The following ETV1 variants were observed in gnomAD, a reference collection of about 807,000 sequenced individuals.
ETV1 encodes the protein ETS variant transcription factor 1.
In ETV1, 27 loss-of-function variants were observed where a neutral mutation model predicts 62.3. The observed-to-expected ratio is 0.43, with a 90% confidence interval of 0.32 to 0.60. ETV1 has a LOEUF of 0.60. Ranked by LOEUF, ETV1 falls within the 20% of genes least tolerant of loss-of-function variation. The pLI is 0.06. For missense variants in ETV1, 605 were observed against 605.8 expected (o/e 1.00, Z 0.01); for synonymous variants, 222 against 199.6 (o/e 1.11, Z -0.94).
chr7:13,899,314 G>T (rs1341756794), intron 13 of ETV1, among the ~76,000 whole-genome samples: 1 of 152,186 alleles, frequency 6.6e-6, no homozygotes, highest in East Asian at 1.9e-4. Context: ...GGAGGAGCAG[G>T]TAGTAAACTG....
chr7:13,984,860 G>C (rs1282204613), intron 5 of ETV1, among the ~76,000 whole-genome samples: 2 of 150,472 alleles, frequency 1.3e-5, no homozygotes, highest in East Asian at 3.9e-4. Context: ...AGTTTTAAAA[G>C]ATAAATTTGG....
In ETV1 at chr7:13,939,107, G is replaced by A; in HGVS notation, c.365+10C>T. ...CCACTATCCTACATACATACACCTG[G>A]TGGCTTTACCTGACATTGTACAGGC... On this transcript the variant is annotated intron_variant, in intron 7 of 13. Coordinates refer to ENST00000430479, the MANE Select transcript of ETV1 (RefSeq NM_004956.5). The A allele has an allele frequency of 6.2e-7, 1 of 1,611,078 alleles. No homozygotes were observed. The highest frequency in any genetic ancestry group is 8.5e-7 in the Non-Finnish European group (1 of 1,178,962).
At position 13,895,977 on chromosome 7, in the gene ETV1, G is replaced by A. The variant is rs764477158; in HGVS notation, c.1323C>T (p.His441=). 6.2e-7 allele frequency: 1 copy of A among 1,613,718 alleles called. No homozygotes were observed. The highest frequency in any genetic ancestry group is 1.7e-5 in the Admixed American group (1 of 59,964). ...GAGGCACTGTGTCCTCCTCGTTGAT[G>A]TGACGTTCCATGTCTGTCTTCAGCA... The part of the protein sequence containing the change: ...RPLLKTDMER[H]INEEDTVPLS... The change falls in exon 14 of 14, where the codon CAC becomes CAT. Residue 441 remains histidine, a synonymous_variant. Coordinates refer to ENST00000430479, the MANE Select transcript of ETV1 (RefSeq NM_004956.5).
intron 12 of ETV1, chr7:13,906,155 T>G (rs17167631): frequency 0.047 from 12,731 of 272,164 alleles, 400 homozygotes; most frequent in African/African-American, 0.11. Flanking sequence ...TTAGAAACCC[T>G]GAAGCCAGAC....
intron 3 of ETV1, chr7:13,988,762 C>T (rs756513796): frequency 1.9e-5 from 30 of 1,611,934 alleles, no homozygotes; most frequent in Non-Finnish European, 2.5e-5. Flanking sequence ...TCCTCTTCCA[C>T]TCATGTTGGG....
intron 6 of ETV1, among the ~76,000 whole-genome samples, chr7:13,977,142 A>G (rs918561892): frequency 1.6e-4 from 24 of 152,200 alleles, no homozygotes; most frequent in Admixed American, 1.6e-3. Flanking sequence ...CCTCCCAAAG[A>G]TATTTACCAA....
intron 9 of ETV1, among the ~76,000 whole-genome samples, chr7:13,917,558 T>C (rs1784319985): frequency 6.6e-6 from 1 of 151,994 alleles, no homozygotes; most frequent in African/African-American, 2.4e-5. Context: ...CCTCAGGTGA[T>C]CTGCCGTCTT....
intron 11 of ETV1, 47 bp from the exon 12 acceptor site, chr7:13,906,646 A>C: frequency 7.3e-7 from 1 of 1,373,558 alleles, no homozygotes; most frequent in South Asian, 1.5e-5. Flanking sequence ...ATACTATGCT[A>C]TCTTACATAA....
chr7:13,910,386 C>G (rs561600411), intron 10 of ETV1: 1 of 161,516 alleles, frequency 6.2e-6, no homozygotes, highest in African/African-American at 2.4e-5. Context: ...ATAGAGTTTA[C>G]TTTTATTTCT....
chr7:13,907,803 T>C (rs571498101), intron 11 of ETV1: 1 of 470,348 alleles, frequency 2.1e-6, no homozygotes, highest in East Asian at 6.9e-5. Flanking sequence ...CTATGGTCAG[T>C]AGAGAGACAT....
At position 13,989,250 on chromosome 7, in the gene ETV1, C is replaced by G. The variant is rs1415402977; in HGVS notation, c.-88+18G>C. 4 of 568,684 alleles carry G rather than the reference C, an allele frequency of 7.0e-6. No homozygotes were observed. The highest frequency in any genetic ancestry group is 1.2e-5 in the Non-Finnish European group (4 of 322,510). 35.2% of individuals were successfully genotyped at this position (568,684 alleles called of 1,614,324 possible). A position where few individuals can be genotyped will look rare whatever the true frequency, so the allele number is the denominator to read the frequency against. The stretch of plus-strand genomic sequence containing the variant: ...GTCCCATTCACAAAAATAACCCTCC[C>G]TACACCGCCTCCTTCACCTGGATCC... On this transcript the variant is annotated intron_variant, in intron 2 of 13. Transcript: ENST00000430479.
At chr7:13,989,811 T>TC, upstream of ETV1, 1 of 388,840 alleles carries the variant, frequency 2.6e-6, no homozygotes, top group Non-Finnish European at 4.5e-6. Context: ...TGCTGCCCCT[T>TC]CCCGCGGGTC....
At chr7:13,933,052 C>T (rs1277333307) in intron 8 of ETV1, among the ~76,000 whole-genome samples, 1 of 152,122 alleles carries the variant, frequency 6.6e-6, no homozygotes, top group Non-Finnish European at 1.5e-5. Flanking sequence ...ATTCATTTCC[C>T]TTCTCTTGCT....
intron 6 of ETV1, among the ~76,000 whole-genome samples, chr7:13,942,117 G>A (rs992194838): frequency 3.4e-5 from 5 of 146,986 alleles, no homozygotes; most frequent in African/African-American, 5.0e-5. Flanking sequence ...TCCACCTCCC[G>A]GGTTCACGCC....
intron 6 of ETV1, among the ~76,000 whole-genome samples, chr7:13,973,400 A>G (rs1413816104): frequency 1.3e-5 from 2 of 152,198 alleles, no homozygotes; most frequent in African/African-American, 4.8e-5. Flanking sequence ...AAGCATACCC[A>G]GACGCACGAG....
intron 9 of ETV1, among the ~76,000 whole-genome samples, chr7:13,913,911 G>C (rs1374103988): frequency 9.3e-6 from 1 of 107,364 alleles, no homozygotes; most frequent in Non-Finnish European, 1.7e-5. Flanking sequence ...TTGAGACAGA[G>C]TCTCGCTCTG....
At chr7:13,930,009 C>T (rs573566798) in intron 9 of ETV1, among the ~76,000 whole-genome samples, 10 of 152,200 alleles carry the variant, frequency 6.6e-5, no homozygotes, top group African/African-American at 2.4e-4. Flanking sequence ...CAGCAGAGGA[C>T]GCAATACTCC....
At chr7:13,959,282 T>C (rs534162956) in intron 6 of ETV1, among the ~76,000 whole-genome samples, 6 of 152,250 alleles carry the variant, frequency 3.9e-5, no homozygotes, top group Admixed American at 3.9e-4. Context: ...TGGTTATCAA[T>C]AGGAAGTAGT....
intron 3 of ETV1, chr7:13,988,473 C>T: frequency 9.8e-6 from 6 of 612,330 alleles, no homozygotes; most frequent in South Asian, 6.8e-5. Context: ...AGCATTTACA[C>T]TTAAAGTTGT....
Sources: allele counts gnomAD v4.1 joint callset (sites outside exome capture counted in the v4.1 genomes callset), GRCh38; gene constraint gnomAD v4.1.1; transcripts MANE v1.5; gene names NCBI Gene and HGNC (gene_info 2026-07-23, HGNC 2026-07-21).